Variants in TAOK3 observed in about 807,000 individuals in gnomAD.
TAOK3 encodes serine/threonine-protein kinase TAO3.
TAOK3 carries 40 observed loss-of-function variants against 120.4 expected under a neutral mutation model. That is an observed-to-expected ratio of 0.33 (90% CI 0.26 to 0.43). The LOEUF is 0.43. Among genes scored for constraint, TAOK3 ranks in the 20% least tolerant of loss-of-function variants. The pLI is 1.00. For missense variants in TAOK3, 821 were observed against 1,112.1 expected (o/e 0.74, Z 3.72); for synonymous variants, 355 against 387.5 (o/e 0.92, Z 0.99).
intron 17 of TAOK3, among the ~76,000 whole-genome samples, chr12:118,166,847 TACACAC>T (rs200569755): frequency 1.5e-4 from 20 of 135,314 alleles, no homozygotes; most frequent in African/African-American, 3.3e-4. Flanking sequence ...CACACACACA[TACACAC>T]ACACACACAC....
At chr12:118,176,099 A>G (rs1437465847) in intron 16 of TAOK3, among the ~76,000 whole-genome samples, 2 of 152,224 alleles carry the variant, frequency 1.3e-5, no homozygotes, top group African/African-American at 4.8e-5. Flanking sequence ...TGAGGCAGTT[A>G]GAAAAGGCTT....
chr12:118,254,689 A>G (rs1193400411), intron 3 of TAOK3, among the ~76,000 whole-genome samples: 1 of 152,200 alleles, frequency 6.6e-6, no homozygotes, highest in East Asian at 1.9e-4. Flanking sequence ...TAGCACATAT[A>G]AGGCTCTGAG....
At chr12:118,207,858 T>TCACACACACACACACACACACACA (rs55978716) in intron 11 of TAOK3, among the ~76,000 whole-genome samples, 258 of 144,432 alleles carry the variant, frequency 1.8e-3, no homozygotes, top group Non-Finnish European at 2.7e-3. Flanking sequence ...AGACTCTGTC[T>TCACACACACACACACACACACACA]CACACACACA....
chr12:118,196,026 G>T (rs1328089743), intron 13 of TAOK3, among the ~76,000 whole-genome samples: 1 of 150,630 alleles, frequency 6.6e-6, no homozygotes, highest in Admixed American at 6.6e-5. Flanking sequence ...CTCCAGCCTG[G>T]GCGACAGCAC....
chr12:118,365,797 A>G (rs2045726566), intron 1 of TAOK3, among the ~76,000 whole-genome samples: 1 of 152,232 alleles, frequency 6.6e-6, no homozygotes, highest in African/African-American at 2.4e-5. Context: ...GCTATAAAAC[A>G]ACAGAAGAGA....
At chr12:118,230,382 C>A (rs2039710676) in intron 9 of TAOK3, among the ~76,000 whole-genome samples, 1 of 137,906 alleles carries the variant, frequency 7.3e-6, no homozygotes, top group African/African-American at 2.7e-5. Context: ...GGCAGTGATT[C>A]TTCTGTTCAA....
chr12:118,246,058 T>C (rs1017692660), intron 3 of TAOK3: 8 of 886,532 alleles, frequency 9.0e-6, no homozygotes, highest in Non-Finnish European at 1.3e-5. Context: ...TATAAAAGAA[T>C]TGCTTCTTTT....
intron 16 of TAOK3, among the ~76,000 whole-genome samples, chr12:118,176,292 A>C (rs187851786): frequency 5.9e-5 from 9 of 152,232 alleles, no homozygotes; most frequent in Admixed American, 5.9e-4. Context: ...GATAAATTTG[A>C]GGAACTGAAA....
intron 1 of TAOK3, among the ~76,000 whole-genome samples, chr12:118,320,568 A>C (rs2043662010): frequency 6.6e-6 from 1 of 152,218 alleles, no homozygotes; most frequent in Admixed American, 6.5e-5. Flanking sequence ...CAAAATAATT[A>C]GTAATAGTTA....
intron 16 of TAOK3, among the ~76,000 whole-genome samples, chr12:118,176,891 T>C (rs918742843): frequency 6.6e-6 from 1 of 151,946 alleles, no homozygotes; most frequent in African/African-American, 2.4e-5. Context: ...CTCAGCCTCC[T>C]GAGTAGCTGG....
At chr12:118,188,929 T>TGTGC (rs1304281025) in intron 14 of TAOK3, among the ~76,000 whole-genome samples, 1 of 151,954 alleles carries the variant, frequency 6.6e-6, no homozygotes, top group African/African-American at 2.4e-5. Context: ...TGTGAGTGTG[T>TGTGC]GTGTGTGTGT....
chr12:118,341,197 C>T (rs535230266), intron 1 of TAOK3, among the ~76,000 whole-genome samples: 46 of 152,012 alleles, frequency 3.0e-4, no homozygotes, highest in African/African-American at 1.0e-3. Context: ...GACAGGGTTT[C>T]GCCATGTTGG....
chr12:118,286,318 C>G (rs566523467), intron 1 of TAOK3, among the ~76,000 whole-genome samples: 30 of 152,070 alleles, frequency 2.0e-4, no homozygotes, highest in African/African-American at 6.8e-4. Context: ...TCTTCACAAT[C>G]TATACATCTG....
At chr12:118,320,268 A>G (rs1344944297) in intron 1 of TAOK3, among the ~76,000 whole-genome samples, 1 of 152,084 alleles carries the variant, frequency 6.6e-6, no homozygotes, top group Non-Finnish European at 1.5e-5. Context: ...ATAGATAGTG[A>G]TGTTCCCATA....
At chr12:118,290,937 G>C (rs1379612232) in intron 1 of TAOK3, among the ~76,000 whole-genome samples, 1 of 151,576 alleles carries the variant, frequency 6.6e-6, no homozygotes, top group African/African-American at 2.4e-5. Context: ...GCCCAGGCTG[G>C]AGTGCCGTGG....
intron 1 of TAOK3, among the ~76,000 whole-genome samples, chr12:118,316,287 A>C (rs1246739524): frequency 2.0e-5 from 3 of 152,216 alleles, no homozygotes; most frequent in Non-Finnish European, 4.4e-5. Context: ...TGCTACTCAT[A>C]AGAGTCTGGT....
chr12:118,174,569 A>G (rs1043663884), intron 16 of TAOK3, among the ~76,000 whole-genome samples: 11 of 152,298 alleles, frequency 7.2e-5, no homozygotes, highest in Middle Eastern at 3.4e-3. Context: ...CAATGTTACA[A>G]AAACTCAAAA....
intron 9 of TAOK3, among the ~76,000 whole-genome samples, chr12:118,215,445 G>C (rs887607680): frequency 6.6e-6 from 1 of 151,676 alleles, no homozygotes; most frequent in African/African-American, 2.4e-5. Flanking sequence ...CCGAGAGGCA[G>C]AGCTTGCAGT....
At chr12:118,349,565 G>A (rs2045042562) in intron 1 of TAOK3, among the ~76,000 whole-genome samples, 1 of 150,224 alleles carries the variant, frequency 6.7e-6, no homozygotes, top group Non-Finnish European at 1.5e-5. Flanking sequence ...AATCCATAGA[G>A]ACAGAAAGTA....
Sources: gnomAD v4.1 joint callset for allele counts (sites outside exome capture counted in the v4.1 genomes callset) on GRCh38, gnomAD v4.1.1 for gene constraint, MANE v1.5 for transcripts, NCBI Gene and HGNC (gene_info 2026-07-23, HGNC 2026-07-21) for gene names.